The following CDK8 variants were observed in gnomAD, a reference collection of about 807,000 sequenced individuals.
CDK8 encodes the protein cyclin dependent kinase 8.
CDK8 carries 29 observed loss-of-function variants against 71.5 expected under a neutral mutation model. That is an observed-to-expected ratio of 0.41 (90% CI 0.30 to 0.55). The LOEUF (loss-of-function observed/expected upper bound fraction) is 0.55. CDK8 is among the 20% of genes least tolerant of loss of function. The pLI is 0.37. For synonymous variants in CDK8, 161 were observed against 192.1 expected (o/e 0.84, Z 1.34); for missense variants, 288 against 572.6 (o/e 0.50, Z 5.07).
In CDK8 at chr13:26,300,344, C is replaced by T. The variant is rs573913209; in HGVS notation, c.129-37223C>T. Reference sequence around the variant, plus strand: ...GAGTATGCAGCGTGGGTGGGCTGGACGAAGGGATGAGTCACATTCTGGTGA... The same window carrying T: ...GAGTATGCAGCGTGGGTGGGCTGGATGAAGGGATGAGTCACATTCTGGTGA... On this transcript the variant is annotated intron_variant, in intron 1 of 12. Coordinates refer to ENST00000381527, the MANE Select transcript of CDK8 (RefSeq NM_001260.3). Among the ~76,000 whole-genome samples, 134 of 152,068 alleles carry T rather than the reference C, an allele frequency of 8.8e-4. 1 individual carries two copies. Among genetic ancestry groups the T allele is most frequent in the African/African-American group, 3.1e-3 (128 of 41,470 alleles).
At chr13:26,295,525 A>G (rs1482790921) in intron 1 of CDK8, among the ~76,000 whole-genome samples, 2 of 152,188 alleles carry the variant, frequency 1.3e-5, no homozygotes, top group African/African-American at 2.4e-5. Flanking sequence ...AGGGTTTTAA[A>G]TGAGTCTTGC....
intron 4 of CDK8, among the ~76,000 whole-genome samples, chr13:26,374,035 AAAC>A (rs1413018263): frequency 8.7e-5 from 12 of 138,594 alleles, no homozygotes; most frequent in African/African-American, 3.4e-4. Flanking sequence ...AAAAAAAAAA[AAAC>A]AAAAAACAAA....
At position 26,381,000 on chromosome 13, in the gene CDK8, C is replaced by A. The variant is rs1305500541; in HGVS notation, c.457-1814C>A. 2.6e-5 allele frequency among the ~76,000 whole-genome samples: 4 copies of A among 152,204 alleles called. 1 individual carries two copies. The East Asian group carries it at 7.7e-4, about 29-fold the overall frequency. ...AATTTTCCGTGTGGAAGGTTCTAAG[C>A]AAGAGAGTAACATAATCAGATTTGT... On this transcript the variant is annotated intron_variant, in intron 4 of 12. Transcript: ENST00000381527.
chr13:26,254,609 C>T lies in CDK8; in HGVS notation c.-33C>T, dbSNP rs369200552. On this transcript the variant is annotated 5_prime_UTR_variant, in exon 1 of 13. Transcript: ENST00000381527. The surrounding 1 kb of genome is among the most constrained non-coding windows in gnomAD (Gnocchi z 6.7). The stretch of plus-strand genomic sequence containing the variant: ...TCCCCACCCCTGCCCCCCGGCCCCC[C>T]GACCCAGCTCTCCGGCCTCAGAGGC... 335 of 1,546,514 alleles carry T rather than the reference C, an allele frequency of 2.2e-4. No individual in the cohort carries two copies. In the African/African-American group the frequency reaches 3.9e-3, roughly 18 times the overall value.
Position 26,257,497 on chromosome 13 carries a change from T to C in CDK8, c.128+2728T>C, listed in dbSNP as rs558824350. 2.8e-3 allele frequency among the ~76,000 whole-genome samples: 423 copies of C among 152,330 alleles called. 1 individual carries two copies. The highest frequency in any genetic ancestry group is 9.5e-3 in the African/African-American group (397 of 41,584). Reference sequence around the variant, plus strand: ...CACATTATAATAGAGTTTAAAGAAATGCACAATAAATCTTGGGATTAATTT... The same window carrying C: ...CACATTATAATAGAGTTTAAAGAAACGCACAATAAATCTTGGGATTAATTT... On this transcript the variant is annotated intron_variant, in intron 1 of 12. Transcript: ENST00000381527.
chr13:26,267,457 A>G (rs1245409647), intron 1 of CDK8, among the ~76,000 whole-genome samples: 1 of 152,196 alleles, frequency 6.6e-6, no homozygotes, highest in East Asian at 1.9e-4. Flanking sequence ...TTTTAGGGAT[A>G]ATTATTACCA....
intron 6 of CDK8, among the ~76,000 whole-genome samples, chr13:26,386,281 C>T (rs1031978685): frequency 2.0e-5 from 3 of 152,324 alleles, no homozygotes; most frequent in Admixed American, 2.0e-4. Context: ...AGCTGCTAGG[C>T]CTTTCACCAT....
rs149358729 is a variant in CDK8 at position 26,345,683 on chromosome 13, G to A, written c.205-3389G>A. 5.9e-3 allele frequency among the ~76,000 whole-genome samples: 895 copies of A among 152,116 alleles called. 10 individuals carry two copies. The highest frequency in any genetic ancestry group is 0.02 in the African/African-American group (848 of 41,508). On this transcript the variant is annotated intron_variant, in intron 2 of 12. Transcript: ENST00000381527. ...CAGGCGTGAGCCACTGTGCCTGGCC[G>A]CTAATTTTTATATTTTTAGTAAATT...
intron 4 of CDK8, among the ~76,000 whole-genome samples, chr13:26,366,345 A>G (rs1355203165): frequency 6.6e-6 from 1 of 152,156 alleles, no homozygotes; most frequent in Admixed American, 6.5e-5. Flanking sequence ...TCTTGTGTAC[A>G]TTTTTATAAA....
At chr13:26,384,090 T>C (rs539222095) in intron 5 of CDK8, among the ~76,000 whole-genome samples, 1 of 152,284 alleles carries the variant, frequency 6.6e-6, no homozygotes, top group South Asian at 2.1e-4. Flanking sequence ...ACTAAAACAA[T>C]CTAGTTTGGA....
In CDK8 at chr13:26,397,128, CTATTTCATAG is replaced by C. The variant is rs2138068691; in HGVS notation, c.861-18_861-9del. The C allele has an allele frequency of 7.4e-7, 1 of 1,343,070 alleles. No individual in the cohort carries two copies. Among genetic ancestry groups the C allele is most frequent in the South Asian group, 1.2e-5 (1 of 84,052 alleles). 83.2% of individuals were successfully genotyped at this position (1,343,070 alleles called of 1,614,324 possible). A position where few individuals can be genotyped will look rare whatever the true frequency, so the allele number is the denominator to read the frequency against. ...ACAATTAACCTCAAGTCTAATATAG[CTATTTCATAG>C]TATTTCTCTTTCAGGTATACCAACT... On this transcript the variant is annotated splice_polypyrimidine_tract_variant and intron_variant, in intron 8 of 12. Coordinates refer to ENST00000381527, the MANE Select transcript of CDK8 (RefSeq NM_001260.3).
At chr13:26,320,647 C>G (rs969960465) in intron 1 of CDK8, among the ~76,000 whole-genome samples, 4 of 151,972 alleles carry the variant, frequency 2.6e-5, no homozygotes, top group Admixed American at 6.6e-5. Flanking sequence ...GGATTAATAA[C>G]CAGAATAAAT....
At chr13:26,345,621 G>T (rs1873432118) in intron 2 of CDK8, among the ~76,000 whole-genome samples, 1 of 152,312 alleles carries the variant, frequency 6.6e-6, no homozygotes, top group Admixed American at 6.5e-5. Context: ...GAACCTCAAT[G>T]ATCTGCCTGC....
intron 1 of CDK8, among the ~76,000 whole-genome samples, chr13:26,318,106 C>T (rs1874598152): frequency 6.6e-6 from 1 of 151,888 alleles, no homozygotes; most frequent in South Asian, 2.1e-4. Context: ...GATATTACTA[C>T]TGATTCTACA....
intron 4 of CDK8, among the ~76,000 whole-genome samples, chr13:26,363,799 A>T (rs1298234391): frequency 6.6e-6 from 1 of 152,180 alleles, no homozygotes; most frequent in Non-Finnish European, 1.5e-5. Flanking sequence ...GTTTCCTAGC[A>T]ACTGTTAAAT....
intron 1 of CDK8, among the ~76,000 whole-genome samples, chr13:26,323,855 G>A (rs1296115650): frequency 6.6e-6 from 1 of 152,072 alleles, no homozygotes; most frequent in East Asian, 1.9e-4. Context: ...GTTTGCCTCT[G>A]CAAAGATGGT....
intron 1 of CDK8, among the ~76,000 whole-genome samples, chr13:26,316,460 C>T (rs1245588317): frequency 1.3e-5 from 2 of 152,148 alleles, no homozygotes; most frequent in Non-Finnish European, 2.9e-5. Context: ...CATCTAGAGT[C>T]ACTTCTGGCA....
At chr13:26,262,912 A>G (rs945093478) in intron 1 of CDK8, among the ~76,000 whole-genome samples, 7 of 152,234 alleles carry the variant, frequency 4.6e-5, no homozygotes, top group African/African-American at 7.2e-5. Context: ...TTTAAAGTCT[A>G]TAACTTTATT....
intron 1 of CDK8, among the ~76,000 whole-genome samples, chr13:26,277,603 A>G (rs947904961): frequency 6.6e-6 from 1 of 152,206 alleles, no homozygotes; most frequent in Middle Eastern, 3.2e-3. Flanking sequence ...GGGTGTTTCA[A>G]CTTGGAAGTT....
Sources: allele counts gnomAD v4.1 joint callset (sites outside exome capture counted in the v4.1 genomes callset), GRCh38; gene constraint gnomAD v4.1.1; non-coding constraint Gnocchi (gnomAD v3.1); transcripts MANE v1.5; gene names NCBI Gene and HGNC (gene_info 2026-07-23, HGNC 2026-07-21).